SPG11: variants seen among roughly 807,000 people sequenced by gnomAD.
SPG11 encodes spatacsin.
In SPG11, 222 loss-of-function variants were observed where a neutral mutation model predicts 274.0. The observed-to-expected ratio is 0.81, with a 90% CI of 0.73 to 0.91. The LOEUF (loss-of-function observed/expected upper bound fraction) is 0.91. Among genes scored for constraint, SPG11 ranks in the 40% least tolerant of loss-of-function variants. SPG11 has a pLI of 0.00. For synonymous variants in SPG11, 1,144 were observed against 1,039.7 expected (o/e 1.10, Z -1.93); for missense variants, 3,114 against 2,872.7 (o/e 1.08, Z -1.92).
At chr15:44,602,258 G>C (rs1278071859) in intron 20 of SPG11, among the ~76,000 whole-genome samples, 1 of 152,052 alleles carries the variant, frequency 6.6e-6, no homozygotes, top group Non-Finnish European at 1.5e-5. Flanking sequence ...ATGTTGAACA[G>C]AAGTGGCAAG....
intron 38 of SPG11, 33 bp downstream of exon 38, chr15:44,565,821 G>A (rs1287687566): frequency 1.2e-6 from 2 of 1,613,124 alleles, no homozygotes; most frequent in Admixed American, 3.3e-5. Flanking sequence ...GAGGATGCTA[G>A]CAGTGCTGGC....
intron 28 of SPG11, among the ~76,000 whole-genome samples, chr15:44,586,084 A>G (rs954814681): frequency 6.8e-6 from 1 of 146,214 alleles, no homozygotes; most frequent in African/African-American, 2.6e-5. Context: ...TCCTGGGTTC[A>G]AGGGATCCTC....
intron 25 of SPG11, among the ~76,000 whole-genome samples, chr15:44,595,823 A>G (rs1429123009): frequency 1.3e-5 from 2 of 152,338 alleles, no homozygotes; most frequent in Non-Finnish European, 2.9e-5. Flanking sequence ...TCAGTCCACC[A>G]AAGCGTCTTT....
At position 44,596,072 on chromosome 15, in the gene SPG11, A is replaced by C; in HGVS notation, c.4434+11T>G. The C allele has an allele frequency of 2.5e-6, 4 of 1,612,862 alleles. No individual in the cohort carries two copies. Among genetic ancestry groups the C allele is most frequent in the Non-Finnish European group, 3.4e-6 (4 of 1,180,014 alleles). ...TCTGGGTACTTACTTCAGGCTTCTC[A>C]TGATCCTCACCTGGAGACATGAGGC... On this transcript the variant is annotated intron_variant, in intron 25 of 39. Transcript: ENST00000261866.
chr15:44,649,908 A>G (rs1399930635), intron 6 of SPG11, among the ~76,000 whole-genome samples: 5 of 151,720 alleles, frequency 3.3e-5, no homozygotes, highest in Non-Finnish European at 7.4e-5. Context: ...AAAAAAAAAA[A>G]GCACTAAACC....
Position 44,628,337 on chromosome 15 carries a change from G to A in SPG11, c.2067+332C>T, listed in dbSNP as rs937830788. ...TTCAATTTATCCAGTCAGGCAGAAT[G>A]CATGTGTCCAAAGCACCAGGCTTGA... is the stretch of plus-strand genomic sequence containing the variant. On this transcript the variant is annotated intron_variant, in intron 10 of 39. Coordinates refer to ENST00000261866, the MANE Select transcript of SPG11 (RefSeq NM_025137.4). 3.3e-5 allele frequency among the ~76,000 whole-genome samples: 5 copies of A among 152,240 alleles called. No individual in the cohort carries two copies. The East Asian group carries it at 9.6e-4, about 29-fold the overall frequency.
chr15:44,635,357 T>C (rs1437899622), intron 7 of SPG11, among the ~76,000 whole-genome samples: 1 of 151,584 alleles, frequency 6.6e-6, no homozygotes, highest in African/African-American at 2.4e-5. Flanking sequence ...AGAAGACTGC[T>C]TGAGCCCAGG....
chr15:44,585,303 A>C (rs2082732831), intron 29 of SPG11, among the ~76,000 whole-genome samples: 1 of 151,988 alleles, frequency 6.6e-6, no homozygotes, highest in African/African-American at 2.4e-5. Context: ...TAAAAAGACC[A>C]ATGAGGCTGG....
Position 44,598,714 on chromosome 15 carries a change from ACT to A in SPG11, c.3807_3808del (p.Arg1269SerfsTer2). On this transcript the variant is annotated frameshift_variant, in exon 22 of 40. Transcript: ENST00000261866. LOFTEE classifies it high-confidence loss of function. ...AATTATATTGGCCACTTTCATATCA[ACT>A]CTGAGCTTGAGGCTGTCAAGGCCAA... The A allele has an allele frequency of 6.2e-7, 1 of 1,614,118 alleles. No homozygotes were observed. The highest frequency in any genetic ancestry group is 1.1e-5 in the South Asian group (1 of 91,076).
chr15:44,619,487 T>C (rs767245132), intron 15 of SPG11, among the ~76,000 whole-genome samples: 14 of 152,212 alleles, frequency 9.2e-5, no homozygotes, highest in Non-Finnish European at 1.3e-4. Flanking sequence ...CCCCTCATTA[T>C]TTCTTAATTC....
At chr15:44,641,586 TACACACACACACACACACACACACAC>T (rs147901004) in intron 7 of SPG11, among the ~76,000 whole-genome samples, 1 of 112,396 alleles carries the variant, frequency 8.9e-6, no homozygotes, top group African/African-American at 3.4e-5. Context: ...CCAAATATCT[TACACACACACACACACACACACACAC>T]ACACACACAC....
In SPG11 at chr15:44,600,508, A is replaced by C. The variant is rs750359445; in HGVS notation, c.3645T>G (p.Phe1215Leu). The C allele has an allele frequency of 4.3e-6, 7 of 1,614,194 alleles. No homozygotes were observed. The highest frequency in any genetic ancestry group is 3.3e-5 in the Admixed American group (2 of 60,006). Reference protein sequence around the residue: ...NGRPSFAFGTFLVQELIKSKT... With the variant: ...NGRPSFAFGTLLVQELIKSKT... The stretch of plus-strand genomic sequence containing the variant: ...TGCTCTTGATTAATTCCTGGACCAG[A>C]AAAGTACCAAATGCAAATGATGGCC... Residue 1215 changes from phenylalanine (F) to leucine (L), a missense_variant, in exon 21 of 40, where the codon TTT becomes TTG. Transcript: ENST00000261866.
intron 18 of SPG11, 136 bp from the exon 19 acceptor site, chr15:44,608,741 G>A (rs891852954): frequency 2.2e-5 from 17 of 781,486 alleles, no homozygotes; most frequent in Non-Finnish European, 3.0e-5. Context: ...TAGACAAGTA[G>A]TCATAAGTTA....
rs777849932 is a variant in SPG11 at position 44,610,991 on chromosome 15, A to C, written c.3146-6T>G. 17 of 1,613,170 alleles carry C rather than the reference A, an allele frequency of 1.1e-5. No homozygotes were observed. In the East Asian group the frequency reaches 2.7e-4, roughly 26 times the overall value. ...CTGGAAGATCAGTTTGGGATCTGGA[A>C]AATAAAAGACAGTGTTTTTCTCCTT... On this transcript the variant is annotated splice_polypyrimidine_tract_variant and splice_region_variant and intron_variant, in intron 17 of 39. Coordinates refer to ENST00000261866, the MANE Select transcript of SPG11 (RefSeq NM_025137.4).
chr15:44,650,656 G>A (rs1408228313), intron 6 of SPG11, among the ~76,000 whole-genome samples: 3 of 151,258 alleles, frequency 2.0e-5, no homozygotes, highest in Non-Finnish European at 4.4e-5. Context: ...AAAAAAAAGA[G>A]AAATAAAATG....
Position 44,657,111 on chromosome 15 carries a change from A to C in SPG11, c.853T>G (p.Leu285Val). 6.2e-7 allele frequency: 1 copy of C among 1,614,098 alleles called. No homozygotes were observed. Among genetic ancestry groups the C allele is most frequent in the East Asian group, 2.2e-5 (1 of 44,886 alleles). The change falls in exon 4 of 40, where the codon TTA (leucine) becomes GTA (valine). Residue 285 changes from leucine to valine, a missense_variant. Coordinates refer to ENST00000261866, the MANE Select transcript of SPG11 (RefSeq NM_025137.4). ...TCTACATACCTGAAATACAAATTTA[A>C]GTTAAGAGCAACTGCGGAGTTGGAG... is the stretch of plus-strand genomic sequence containing the variant. ...SSSNSAVALN[L>V]NLYFRQHPGH... is the part of the protein sequence containing the mutation.
At chr15:44,648,752 A>C (rs1467366151) in intron 7 of SPG11, 114 bp downstream of exon 7, 3 of 1,203,056 alleles carry the variant, frequency 2.5e-6, no homozygotes, top group Non-Finnish European at 3.7e-6. Flanking sequence ...AGATATACAA[A>C]GGCTATAGTT....
Position 44,657,156 on chromosome 15 carries a change from C to T in SPG11, c.808G>A (p.Val270Ile), listed in dbSNP as rs80338868. 8.2e-3 allele frequency: 13,265 copies of T among 1,614,162 alleles called. 68 individuals are homozygous for T. The highest frequency in any genetic ancestry group is 9.5e-3 in the Non-Finnish European group (11,201 of 1,180,022). The change falls in exon 4 of 40, where the codon GTT becomes ATT. Residue 270 changes from valine (V) to isoleucine (I), a missense_variant. By Grantham distance (29) the Val-to-Ile change is conservative. Coordinates refer to ENST00000261866, the MANE Select transcript of SPG11 (RefSeq NM_025137.4). ...TTGGAGGAGCTGACAATCACTGCAA[C>T]ATCGAGGTCTTGAGAAACTTTCAGT... Reference protein sequence around the residue: ...TSLKVSQDLDVAVIVSSSNSA... With the variant: ...TSLKVSQDLDIAVIVSSSNSA...
At chr15:44,564,254 T>A (rs946982907) in intron 39 of SPG11, among the ~76,000 whole-genome samples, 1 of 152,006 alleles carries the variant, frequency 6.6e-6, no homozygotes, top group Admixed American at 6.6e-5. Flanking sequence ...CGGCCTCCCA[T>A]AGTGCTGGGA....
Sources: gnomAD v4.1 joint callset for allele counts (sites outside exome capture counted in the v4.1 genomes callset) on GRCh38, gnomAD v4.1.1 for gene constraint, MANE v1.5 for transcripts, NCBI Gene and HGNC (gene_info 2026-07-23, HGNC 2026-07-21) for gene names.